The following ZNRF2 variants were observed in gnomAD, a reference collection of about 807,000 sequenced individuals.
The protein encoded by ZNRF2 is E3 ubiquitin-protein ligase ZNRF2.
A neutral mutation model predicts 20.4 loss-of-function variants in ZNRF2; 16 were observed. The observed-to-expected ratio is 0.79, with a 90% CI of 0.53 to 1.19. The LOEUF (loss-of-function observed/expected upper bound fraction) is 1.19, where lower values mean the gene tolerates loss of function less well. Among genes scored for constraint, ZNRF2 ranks in the 50% most tolerant of loss-of-function variants. The pLI, the probability that ZNRF2 is intolerant of heterozygous loss-of-function variation, is 0.00. For missense variants in ZNRF2, 363 were observed against 332.4 expected (o/e 1.09, Z -0.72); for synonymous variants, 178 against 144.9 (o/e 1.23, Z -1.64).
chr7:30,342,419 C>T (rs774863564), intron 2 of ZNRF2, among the ~76,000 whole-genome samples: 36 of 152,134 alleles, frequency 2.4e-4, no homozygotes, highest in South Asian at 1.5e-3. Flanking sequence ...GTAAGACAGG[C>T]GTGGTGATGA....
rs759885111 is a variant in ZNRF2 at position 30,355,844 on chromosome 7, C to T, written c.671+11C>T. 5.7e-6 allele frequency: 9 copies of T among 1,590,084 alleles called. No individual in the cohort carries two copies. Among genetic ancestry groups the T allele is most frequent in the Non-Finnish European group, 7.8e-6 (9 of 1,159,870 alleles). ...CATATATCATAAAGGGTAAGTTCAC[C>T]AAGTTGGTATTAGAGTAAAAGATTG... On this transcript the variant is annotated intron_variant, in intron 3 of 4. Coordinates refer to ENST00000323037, the MANE Select transcript of ZNRF2 (RefSeq NM_147128.4).
chr7:30,360,616 C>T (rs1185783503), intron 3 of ZNRF2, among the ~76,000 whole-genome samples: 3 of 151,840 alleles, frequency 2.0e-5, no homozygotes, highest in African/African-American at 4.8e-5. Context: ...TGCTTGAACC[C>T]GGGAGGCGGC....
At chr7:30,317,447 G>T (rs1399200666) in intron 1 of ZNRF2, among the ~76,000 whole-genome samples, 2 of 152,202 alleles carry the variant, frequency 1.3e-5, no homozygotes. Flanking sequence ...ACTTGATCTG[G>T]GCTTGAAGGG....
intron 2 of ZNRF2, among the ~76,000 whole-genome samples, chr7:30,350,285 T>A (rs997449146): frequency 9.9e-5 from 15 of 152,180 alleles, no homozygotes; most frequent in East Asian, 7.7e-4. Context: ...AAACTTTTTT[T>A]AAAAAGTCAT....
At chr7:30,320,890 C>T (rs1278207346) in intron 1 of ZNRF2, among the ~76,000 whole-genome samples, 3 of 151,974 alleles carry the variant, frequency 2.0e-5, no homozygotes, top group African/African-American at 4.8e-5. Context: ...TTAGAGCTGC[C>T]TTAAAAAACT....
chr7:30,292,346 A>G (rs532754038), intron 1 of ZNRF2, among the ~76,000 whole-genome samples: 84 of 152,282 alleles, frequency 5.5e-4, no homozygotes, highest in African/African-American at 1.8e-3. Flanking sequence ...AAAATTTTTT[A>G]TAACATGATT....
chr7:30,310,713 G>T (rs1037064740), intron 1 of ZNRF2, among the ~76,000 whole-genome samples: 3 of 152,140 alleles, frequency 2.0e-5, no homozygotes, highest in Non-Finnish European at 4.4e-5. Flanking sequence ...TGGGGTAAAC[G>T]CACCTGATAG....
chr7:30,313,251 G>A (rs1185794227), intron 1 of ZNRF2, among the ~76,000 whole-genome samples: 1 of 152,220 alleles, frequency 6.6e-6, no homozygotes, highest in African/African-American at 2.4e-5. Context: ...CGTATAAACA[G>A]TAGCCATAGA....
intron 1 of ZNRF2, among the ~76,000 whole-genome samples, chr7:30,302,373 C>T (rs183611164): frequency 1.2e-4 from 19 of 152,078 alleles, no homozygotes; most frequent in Admixed American, 6.5e-4. Context: ...TTCATTTAGT[C>T]AAAAAATAAT....
At chr7:30,332,798 C>G (rs1173312335) in intron 2 of ZNRF2, among the ~76,000 whole-genome samples, 1 of 152,048 alleles carries the variant, frequency 6.6e-6, no homozygotes, top group Non-Finnish European at 1.5e-5. Flanking sequence ...TAGGTTGATT[C>G]CATGACTTTG....
chr7:30,308,319 G>C (rs1046011058), intron 1 of ZNRF2, among the ~76,000 whole-genome samples: 1 of 151,912 alleles, frequency 6.6e-6, no homozygotes, highest in Admixed American at 6.6e-5. Context: ...TCCATTGTTG[G>C]GTGTTTGTTT....
chr7:30,351,753 A>G (rs1395025097), intron 2 of ZNRF2, among the ~76,000 whole-genome samples: 1 of 152,086 alleles, frequency 6.6e-6, no homozygotes, highest in Non-Finnish European at 1.5e-5. Flanking sequence ...GAAGGTAACA[A>G]TAGTTACTTC....
chr7:30,306,962 A>T (rs1488455556), intron 1 of ZNRF2, among the ~76,000 whole-genome samples: 1 of 152,078 alleles, frequency 6.6e-6, no homozygotes, highest in Non-Finnish European at 1.5e-5. Flanking sequence ...TATTATGTTG[A>T]CACTTTTTAT....
At chr7:30,291,806 A>G (rs910881675) in intron 1 of ZNRF2, among the ~76,000 whole-genome samples, 2 of 152,218 alleles carry the variant, frequency 1.3e-5, no homozygotes, top group African/African-American at 4.8e-5. Flanking sequence ...AGTGGATAAG[A>G]TTACTAAGGG....
chr7:30,349,489 T>A (rs767629266), intron 2 of ZNRF2, among the ~76,000 whole-genome samples: 1 of 152,108 alleles, frequency 6.6e-6, no homozygotes, highest in Non-Finnish European at 1.5e-5. Flanking sequence ...AGAGGTATTA[T>A]TTATTTCTAC....
intron 1 of ZNRF2, among the ~76,000 whole-genome samples, chr7:30,309,828 A>T (rs1321670911): frequency 1.3e-5 from 2 of 152,230 alleles, no homozygotes; most frequent in African/African-American, 4.8e-5. Flanking sequence ...TTAAAATGTT[A>T]TGTAATTTAT....
In ZNRF2 at chr7:30,336,446, T is replaced by C. The variant is rs1459927729; in HGVS notation, c.565+12709T>C. On this transcript the variant is annotated intron_variant, in intron 2 of 4. Coordinates refer to ENST00000323037, the MANE Select transcript of ZNRF2 (RefSeq NM_147128.4). ...AGTGGCTCCGTCTTGGGGGGAACTATATTTAATTCTTAATATTTTAAGTAT... is the reference window on the plus strand; with the variant it reads ...AGTGGCTCCGTCTTGGGGGGAACTACATTTAATTCTTAATATTTTAAGTAT... Among the ~76,000 whole-genome samples the C allele has an allele frequency of 2.0e-5, 3 of 152,162 alleles. No homozygotes were observed. The East Asian group carries it at 5.8e-4, about 29-fold the overall frequency.
At chr7:30,329,361 G>A (rs1431461364) in intron 2 of ZNRF2, among the ~76,000 whole-genome samples, 5 of 152,084 alleles carry the variant, frequency 3.3e-5, no homozygotes, top group Admixed American at 2.6e-4. Flanking sequence ...TTGTCCTGTT[G>A]TGCTTCCAAG....
chr7:30,355,683 T>TGATG, intron 2 of ZNRF2, 45 bp from the exon 3 acceptor site: 1 of 1,503,472 alleles, frequency 6.7e-7, no homozygotes, highest in Non-Finnish European at 9.2e-7. Flanking sequence ...TTTTTCAATT[T>TGATG]GATGGATAAT....
Sources: gnomAD v4.1 joint callset for allele counts (sites outside exome capture counted in the v4.1 genomes callset) on GRCh38, gnomAD v4.1.1 for gene constraint, MANE v1.5 for transcripts, NCBI Gene and HGNC (gene_info 2026-07-23, HGNC 2026-07-21) for gene names.